Variants in KCNMA1 observed in about 807,000 individuals in gnomAD.
The protein encoded by KCNMA1 is Calcium-activated potassium channel subunit alpha-1.
Under a neutral mutation model 140.0 loss-of-function variants are expected in KCNMA1, and 29 were observed. The ratio of observed to expected loss-of-function variants is 0.21; its 90% CI spans 0.15 to 0.28. The LOEUF (loss-of-function observed/expected upper bound fraction) is 0.28, where lower values mean the gene tolerates loss of function less well. Ranked by LOEUF, KCNMA1 falls within the 10% of genes least tolerant of loss-of-function variation. The pLI is 1.00. For missense variants in KCNMA1, 880 were observed against 1,602.2 expected, an observed-to-expected ratio of 0.55 and a Z score of 7.70; for synonymous variants, 612 against 611.9, an observed-to-expected ratio of 1.00 and a Z score of 0.00.
At chr10:77,174,962 T>A (rs761948479) in intron 5 of KCNMA1, among the ~76,000 whole-genome samples, 1 of 152,146 alleles carries the variant, frequency 6.6e-6, no homozygotes, top group Non-Finnish European at 1.5e-5. Flanking sequence ...GGCCTGAACA[T>A]GAAGAGTTTT....
chr10:77,423,045 A>G (rs1461659766), intron 1 of KCNMA1, among the ~76,000 whole-genome samples: 1 of 152,236 alleles, frequency 6.6e-6, no homozygotes, highest in African/African-American at 2.4e-5. Flanking sequence ...TGAACTCTGA[A>G]GGAGGAAGCC....
chr10:77,255,205 A>G (rs1228135662), intron 2 of KCNMA1, among the ~76,000 whole-genome samples: 1 of 152,230 alleles, frequency 6.6e-6, no homozygotes, highest in Non-Finnish European at 1.5e-5. Flanking sequence ...GATAAATGTC[A>G]TTGGAACAAT....
chr10:77,433,591 TCTC>T (rs1412638155), intron 1 of KCNMA1: 1 of 152,262 alleles, frequency 6.6e-6, no homozygotes, highest in Non-Finnish European at 1.5e-5. Context: ...AGATACCTCA[TCTC>T]CTCAAAATCT....
chr10:77,322,649 G>T (rs940765543), intron 2 of KCNMA1, among the ~76,000 whole-genome samples: 1 of 152,176 alleles, frequency 6.6e-6, no homozygotes, highest in Admixed American at 6.5e-5. Context: ...TCAATGAGGG[G>T]AAGGGAGTAA....
chr10:77,003,195 C>T (rs545793060), intron 18 of KCNMA1, among the ~76,000 whole-genome samples: 5 of 152,306 alleles, frequency 3.3e-5, no homozygotes, highest in South Asian at 4.2e-4. Context: ...ACTTGGCTCA[C>T]ATTTTTAGTG....
rs201663455 is a variant in KCNMA1, at chr10:77,637,463, C to G, written c.180G>C (p.Ser60=). The change falls in exon 1 of 28, where the codon TCG becomes TCC. Residue 60 remains serine, a synonymous_variant. Transcript: ENST00000286628. ...GCGCATCCATCTTGGGCTCGTGGAC[C>G]GAGGACGAGGAGGAAGAGGAGGAGG... ...SSSSSSSSSS[S]VHEPKMDALI... is the part of the protein sequence containing the mutation. 30 of 1,611,160 alleles carry G rather than the reference C, an allele frequency of 1.9e-5. 1 individual carries two copies. In the South Asian group the frequency reaches 3.0e-4, roughly 16 times the overall value.
intron 1 of KCNMA1, among the ~76,000 whole-genome samples, chr10:77,490,465 C>A (rs2098518626): frequency 6.6e-6 from 1 of 152,142 alleles, no homozygotes; most frequent in South Asian, 2.1e-4. Context: ...ATTATCATCA[C>A]CCTGATTGAA....
chr10:77,193,476 CT>C (rs1241271554), intron 3 of KCNMA1, among the ~76,000 whole-genome samples: 3 of 152,046 alleles, frequency 2.0e-5, no homozygotes, highest in African/African-American at 7.2e-5. Flanking sequence ...CTAGCCATCC[CT>C]TTTTTTTAGG....
intron 3 of KCNMA1, among the ~76,000 whole-genome samples, chr10:77,236,639 T>C (rs923609165): frequency 5.9e-5 from 9 of 152,204 alleles, no homozygotes; most frequent in African/African-American, 2.2e-4. Context: ...AGAAACAGAG[T>C]TTACGTCACA....
intron 19 of KCNMA1, among the ~76,000 whole-genome samples, chr10:76,973,465 A>G (rs530138093): frequency 3.3e-4 from 51 of 152,370 alleles, no homozygotes; most frequent in African/African-American, 1.2e-3. Context: ...ATGAGGCTTC[A>G]GATCCCCTGG....
intron 2 of KCNMA1, among the ~76,000 whole-genome samples, chr10:77,357,246 A>G (rs1249737334): frequency 6.6e-6 from 1 of 152,220 alleles, no homozygotes; most frequent in Non-Finnish European, 1.5e-5. Context: ...AGCAGCTTGA[A>G]CCATAGTTGT....
rs1446264671 is a variant in KCNMA1, at chr10:77,448,320, G to A, written c.379-44297C>T. On this transcript the variant is annotated intron_variant, in intron 1 of 27. Coordinates refer to ENST00000286628, the MANE Select transcript of KCNMA1 (RefSeq NM_001161352.2). ...TGCAGAAAAGGGCCAACATTTATCA[G>A]AATGAGGAAATTGTTTTCTAGGGTG... Among the ~76,000 whole-genome samples, 4 of 152,176 alleles carry A rather than the reference G, an allele frequency of 2.6e-5. No homozygotes were observed. The South Asian group carries it at 8.3e-4, about 31-fold the overall frequency.
intron 21 of KCNMA1, chr10:76,951,960 G>T: frequency 7.5e-7 from 1 of 1,331,626 alleles, no homozygotes; most frequent in Non-Finnish European, 1.1e-6. Flanking sequence ...CTAGAATGGT[G>T]TGTGGCACAT....
chr10:76,946,403 C>A (rs1299015175), intron 22 of KCNMA1, among the ~76,000 whole-genome samples: 1 of 152,140 alleles, frequency 6.6e-6, no homozygotes, highest in Non-Finnish European at 1.5e-5. Context: ...TGTCACATAT[C>A]TGGGAATGTC....
chr10:77,037,244 A>T (rs1202917010), intron 15 of KCNMA1, among the ~76,000 whole-genome samples: 1 of 152,196 alleles, frequency 6.6e-6, no homozygotes, highest in African/African-American at 2.4e-5. Context: ...CCTGGGATTT[A>T]TGTGCAAATC....
chr10:77,493,238 CTCT>C (rs1221056457), intron 1 of KCNMA1, among the ~76,000 whole-genome samples: 2 of 152,262 alleles, frequency 1.3e-5, no homozygotes, highest in Non-Finnish European at 2.9e-5. Context: ...GCTAATCAGC[CTCT>C]TCTTCTGACT....
At chr10:77,104,735 G>A (rs1211214608) in intron 9 of KCNMA1, among the ~76,000 whole-genome samples, 2 of 152,154 alleles carry the variant, frequency 1.3e-5, no homozygotes, top group Non-Finnish European at 1.5e-5. Flanking sequence ...TGTGACCTTG[G>A]ACCACGATCT....
chr10:77,122,933 C>G (rs1240131349), intron 5 of KCNMA1, among the ~76,000 whole-genome samples: 1 of 151,976 alleles, frequency 6.6e-6, no homozygotes, highest in Non-Finnish European at 1.5e-5. Flanking sequence ...AATCCCAGCA[C>G]TTTGGGAGGC....
chr10:77,161,921 ACAGTATAC>A (rs2098558059), intron 5 of KCNMA1, among the ~76,000 whole-genome samples: 1 of 152,234 alleles, frequency 6.6e-6, no homozygotes, highest in East Asian at 1.9e-4. Flanking sequence ...CTTACATTTC[ACAGTATAC>A]CATGCACAAC....
Sources: gnomAD v4.1 joint callset for allele counts (sites outside exome capture counted in the v4.1 genomes callset) on GRCh38, gnomAD v4.1.1 for gene constraint, MANE v1.5 for transcripts, NCBI Gene and HGNC (gene_info 2026-07-23, HGNC 2026-07-21) for gene names.